GRID1: variants seen among roughly 807,000 people sequenced by gnomAD.
The protein encoded by GRID1 is glutamate receptor ionotropic, delta-1.
In GRID1, 28 loss-of-function variants were observed where a neutral mutation model predicts 98.0. The observed-to-expected ratio is 0.29, with a 90% CI of 0.21 to 0.39. The LOEUF is 0.39. Among genes scored for constraint, GRID1 ranks in the 10% least tolerant of loss-of-function variants. The probability of loss-of-function intolerance (pLI) is 1.00; values close to 1 mark genes in which losing one functional copy is unlikely to be tolerated. For missense variants in GRID1, 1,111 were observed against 1,340.5 expected, an observed-to-expected ratio of 0.83 and a Z score of 2.67; for synonymous variants, 553 against 538.5, an observed-to-expected ratio of 1.03 and a Z score of -0.37.
chr10:85,988,037 C>T (rs1046626420), intron 4 of GRID1, among the ~76,000 whole-genome samples: 3 of 152,144 alleles, frequency 2.0e-5, no homozygotes, highest in Non-Finnish European at 2.9e-5. Context: ...AAACAGAAGA[C>T]CTGCTGAATA....
At chr10:86,247,262 T>C (rs1479430085) in intron 2 of GRID1, among the ~76,000 whole-genome samples, 1 of 147,182 alleles carries the variant, frequency 6.8e-6, no homozygotes, top group East Asian at 2.0e-4. Context: ...GATGGATAGA[T>C]GGATGGATGG....
At chr10:85,857,501 A>G (rs1211360448) in intron 6 of GRID1, among the ~76,000 whole-genome samples, 2 of 152,002 alleles carry the variant, frequency 1.3e-5, no homozygotes, top group East Asian at 3.9e-4. Context: ...TGTCACCTTC[A>G]CACCACCCCA....
At chr10:85,743,108 C>CG (rs1554828618) in intron 8 of GRID1, among the ~76,000 whole-genome samples, 4 of 125,206 alleles carry the variant, frequency 3.2e-5, no homozygotes, top group East Asian at 3.2e-4. Context: ...TTATGCAGCC[C>CG]CCCCCCCCAC....
chr10:85,846,099 G>T (rs1843002646), intron 8 of GRID1, among the ~76,000 whole-genome samples: 1 of 152,114 alleles, frequency 6.6e-6, no homozygotes, highest in African/African-American at 2.4e-5. Flanking sequence ...AAATTTTTCT[G>T]TATAAGGGTT....
intron 2 of GRID1, among the ~76,000 whole-genome samples, chr10:86,299,638 T>A (rs563527521): frequency 1.4e-4 from 21 of 152,150 alleles, no homozygotes; most frequent in African/African-American, 4.6e-4. Context: ...ACACAGGAAG[T>A]GGGCAATAAG....
At chr10:86,046,485 C>T (rs901664513) in intron 4 of GRID1, among the ~76,000 whole-genome samples, 15 of 152,186 alleles carry the variant, frequency 9.9e-5, no homozygotes, top group Non-Finnish European at 2.2e-4. Context: ...ATATCAATTT[C>T]ACCTAGATCT....
intron 4 of GRID1, among the ~76,000 whole-genome samples, chr10:86,010,333 C>T (rs1842909548): frequency 6.7e-6 from 1 of 148,720 alleles, no homozygotes; most frequent in African/African-American, 2.6e-5. Flanking sequence ...CAAACACATG[C>T]CCATTTTCTT....
At chr10:86,353,641 C>T (rs1848493891) in intron 2 of GRID1, among the ~76,000 whole-genome samples, 1 of 152,214 alleles carries the variant, frequency 6.6e-6, no homozygotes, top group Non-Finnish European at 1.5e-5. Flanking sequence ...TGGGCCCCAG[C>T]AGCAAGCCTT....
chr10:86,002,696 A>G (rs1203597358), intron 4 of GRID1, among the ~76,000 whole-genome samples: 1 of 152,196 alleles, frequency 6.6e-6, no homozygotes. Context: ...GACTGTGTTG[A>G]ACTACGCACA....
chr10:86,303,382 A>G (rs1847717329), intron 2 of GRID1, among the ~76,000 whole-genome samples: 1 of 152,236 alleles, frequency 6.6e-6, no homozygotes, highest in African/African-American at 2.4e-5. Flanking sequence ...ACTTCATTAG[A>G]GTTTTTCTGA....
chr10:85,616,759 C>G (rs537609427), intron 14 of GRID1, among the ~76,000 whole-genome samples: 1 of 152,148 alleles, frequency 6.6e-6, no homozygotes, highest in Non-Finnish European at 1.5e-5. Context: ...TCCATACTCT[C>G]GCTTACGAGG....
intron 2 of GRID1, among the ~76,000 whole-genome samples, chr10:86,272,521 AT>A (rs1381060310): frequency 9.9e-5 from 15 of 152,220 alleles, no homozygotes; most frequent in Admixed American, 3.3e-4. Flanking sequence ...AGCAGATATT[AT>A]TCACAAATTA....
chr10:85,979,918 A>C (rs1819250849), intron 4 of GRID1, among the ~76,000 whole-genome samples: 1 of 152,202 alleles, frequency 6.6e-6, no homozygotes, highest in Non-Finnish European at 1.5e-5. Context: ...ATCTTCACTC[A>C]TGCACAATGG....
intron 15 of GRID1, among the ~76,000 whole-genome samples, chr10:85,607,977 C>T (rs971889457): frequency 1.3e-5 from 2 of 151,966 alleles, no homozygotes; most frequent in Admixed American, 1.3e-4. Context: ...ACCATCTCAC[C>T]TGGCTAATTA....
chr10:85,808,998 A>G (rs1842646061), intron 8 of GRID1, among the ~76,000 whole-genome samples: 1 of 152,150 alleles, frequency 6.6e-6, no homozygotes, highest in South Asian at 2.1e-4. Flanking sequence ...AGGAAATGAG[A>G]GACAACCTGA....
At chr10:85,729,163 A>G (rs1449088932) in intron 9 of GRID1, among the ~76,000 whole-genome samples, 1 of 152,068 alleles carries the variant, frequency 6.6e-6, no homozygotes, top group Non-Finnish European at 1.5e-5. Context: ...GGTTCTGGCT[A>G]CCAGAACAAC....
intron 4 of GRID1, among the ~76,000 whole-genome samples, chr10:86,135,265 G>A (rs1844905825): frequency 6.6e-6 from 1 of 152,188 alleles, no homozygotes; most frequent in Non-Finnish European, 1.5e-5. Flanking sequence ...AGGATCCAAT[G>A]AGTCCAATCC....
intron 2 of GRID1, among the ~76,000 whole-genome samples, chr10:86,286,222 G>T (rs989386246): frequency 1.3e-5 from 2 of 151,790 alleles, no homozygotes; most frequent in African/African-American, 2.4e-5. Flanking sequence ...GGATCATCTT[G>T]TTCCTCACCA....
intron 8 of GRID1, among the ~76,000 whole-genome samples, chr10:85,750,711 T>C (rs1204666437): frequency 6.6e-6 from 1 of 152,162 alleles, no homozygotes; most frequent in Non-Finnish European, 1.5e-5. Flanking sequence ...ATATATCTCT[T>C]GATCAGTAAT....
Sources: gnomAD v4.1 joint callset for allele counts (sites outside exome capture counted in the v4.1 genomes callset) on GRCh38, gnomAD v4.1.1 for gene constraint, MANE v1.5 for transcripts, NCBI Gene and HGNC (gene_info 2026-07-23, HGNC 2026-07-21) for gene names.